ZNF688: variants seen among roughly 807,000 people sequenced by gnomAD.
The protein encoded by ZNF688 is zinc finger protein 688.
Under a neutral mutation model 13.2 loss-of-function variants are expected in ZNF688, and 10 were observed. The observed-to-expected ratio is 0.76, with a 90% CI of 0.47 to 1.28. The LOEUF (loss-of-function observed/expected upper bound fraction) is 1.28, where lower values mean the gene tolerates loss of function less well. Among genes scored for constraint, ZNF688 ranks in the 50% most tolerant of loss-of-function variants. ZNF688 has a pLI of 0.00. For missense variants in ZNF688, 381 were observed against 391.4 expected, an observed-to-expected ratio of 0.97 and a Z score of 0.22; for synonymous variants, 160 against 159.4, an observed-to-expected ratio of 1.00 and a Z score of -0.03.
At chr16:30,574,374 C>T (rs1215039908), upstream of ZNF688, among the ~76,000 whole-genome samples, 1 of 151,830 alleles carries the variant, frequency 6.6e-6, no homozygotes, top group Admixed American at 6.6e-5. Context: ...GGCAAAACCC[C>T]GTCTGTACTA....
At chr16:30,572,787 G>T (rs2051707019), upstream of ZNF688, 1 of 152,712 alleles carries the variant, frequency 6.5e-6, no homozygotes, top group Admixed American at 6.5e-5. Context: ...GCCCAGGCTG[G>T]TCTGGAACTC....
chr16:30,574,710 G>A (rs929599284), upstream of ZNF688, among the ~76,000 whole-genome samples: 5 of 152,094 alleles, frequency 3.3e-5, no homozygotes, highest in African/African-American at 4.8e-5. Context: ...ATTTCTATGT[G>A]TTGGGAAAAT....
At chr16:30,571,325 T>C in intron 1 of ZNF688, 109 bp downstream of exon 1, 1 of 1,535,768 alleles carries the variant, frequency 6.5e-7, no homozygotes, top group Admixed American at 2.0e-5. Flanking sequence ...TGGCTGCTGG[T>C]GTTGGTGCAA....
At position 30,570,677 on chromosome 16, in the gene ZNF688, T is replaced by G. The variant is rs943976165; in HGVS notation, c.311-241A>C. ...TCACAGCGTTACTGGTTTAGCTGAG[T>G]AGATGCATGTTAAGCACTTAGGAAG... On this transcript the variant is annotated intron_variant, in intron 2 of 2. Coordinates refer to ENST00000223459, the MANE Select transcript of ZNF688 (RefSeq NM_145271.4). The G allele has an allele frequency of 6.5e-6, 3 of 464,614 alleles. No individual in the cohort carries two copies. The Admixed American group carries it at 1.1e-4, about 18-fold the overall frequency. The allele number at this position is 464,614 out of a possible 1,614,324, so 28.8% of individuals were successfully genotyped here. A position where few individuals can be genotyped will look rare whatever the true frequency, so the allele number is the denominator to read the frequency against.
At chr16:30,570,782 T>C in intron 2 of ZNF688, 1 of 420,714 alleles carries the variant, frequency 2.4e-6, no homozygotes, top group Middle Eastern at 5.6e-4. Flanking sequence ...AGACGGAGTC[T>C]CACTCTGTCA....
chr16:30,570,303 C>G lies in ZNF688; in HGVS notation c.444G>C (p.Pro148=), dbSNP rs781641191. 1 of 1,614,054 alleles carries G rather than the reference C, an allele frequency of 6.2e-7. No individual in the cohort carries two copies. The highest frequency in any genetic ancestry group is 1.1e-5 in the South Asian group (1 of 91,072). Residue 148 remains proline (P), a synonymous_variant, in exon 3 of 3, where the codon CCG becomes CCC. Coordinates refer to ENST00000223459, the MANE Select transcript of ZNF688 (RefSeq NM_145271.4). The stretch of plus-strand genomic sequence containing the variant: ...CATTTTTGGGTGGCTGTGCCCGTGC[C>G]GGGGCCACGCTAATAGCTGGGTCAG... ...RNPDPAISVA[P]ARAQPPKNAA...
the ZNF688 span, among the ~76,000 whole-genome samples, chr16:30,577,781 C>A: frequency 1.3e-5 from 2 of 151,650 alleles, no homozygotes; most frequent in East Asian, 3.9e-4. Context: ...CTCCCGAGTT[C>A]AAGCAATTCT....
At chr16:30,576,127 A>G (rs1019130183), upstream of ZNF688, among the ~76,000 whole-genome samples, 12 of 151,926 alleles carry the variant, frequency 7.9e-5, no homozygotes, top group African/African-American at 2.4e-5. Context: ...AGCTCACTGC[A>G]ACCTCCCCCT....
In ZNF688 at chr16:30,571,152, G is replaced by C. The variant is rs778530899; in HGVS notation, c.197-29C>G. On this transcript the variant is annotated intron_variant, in intron 1 of 2. Transcript: ENST00000223459. ...GGAGAGAACAGGGATCACAGCGCGG[G>C]CCTGAGAGGCCATCGTGGGAAGATG... The C allele has an allele frequency of 2.6e-6, 4 of 1,555,472 alleles. No homozygotes were observed. The East Asian group carries it at 9.1e-5, about 35-fold the overall frequency.
upstream of ZNF688, among the ~76,000 whole-genome samples, chr16:30,576,989 C>T (rs1026934787): frequency 1.1e-4 from 17 of 151,898 alleles, no homozygotes; most frequent in African/African-American, 3.9e-4. Flanking sequence ...TGGTCTGGAA[C>T]TCCTGGGCTC....
Position 30,569,986 on chromosome 16 carries a change from G to C in ZNF688, c.761C>G (p.Pro254Arg), listed in dbSNP as rs760079476. The C allele has an allele frequency of 6.2e-7, 1 of 1,605,596 alleles. No individual in the cohort carries two copies. The highest frequency in any genetic ancestry group is 8.5e-7 in the Non-Finnish European group (1 of 1,176,380). The change falls in exon 3 of 3, where the codon CCC (proline) becomes CGC (arginine). Residue 254 changes from proline to arginine, a missense_variant. Physicochemically the swap from Pro to Arg is moderately radical, Grantham distance 103. Coordinates refer to ENST00000223459, the MANE Select transcript of ZNF688 (RefSeq NM_145271.4). ...AGGCGGGTCCCGGTCACCTCGGACG[G>C]GGGCCCGAGGCACAGCCCGGATCCC... Reference protein sequence around the residue: ...RPGIRAVPRAPVRGDRDPPVL... With the variant: ...RPGIRAVPRARVRGDRDPPVL...
rs2051687860 is a variant in ZNF688, at chr16:30,571,650, G to A, written c.-21C>T. 7.2e-6 allele frequency: 10 copies of A among 1,381,164 alleles called. No individual in the cohort carries two copies. The East Asian group carries it at 2.7e-4, about 37-fold the overall frequency. The allele number at this position is 1,381,164 out of a possible 1,614,324, so 85.6% of individuals were successfully genotyped here. A position where few individuals can be genotyped will look rare whatever the true frequency, so the allele number is the denominator to read the frequency against. ...GCCATGGGGCCTCGCAGCCCCGATC[G>A]GCGGCCGCCAGGTCCCTGGAGCCGC... On this transcript the variant is annotated 5_prime_UTR_variant, in exon 1 of 3. Coordinates refer to ENST00000223459, the MANE Select transcript of ZNF688 (RefSeq NM_145271.4).
At chr16:30,577,227 T>G (rs578023576), upstream of ZNF688, among the ~76,000 whole-genome samples, 2 of 152,266 alleles carry the variant, frequency 1.3e-5, no homozygotes, top group East Asian at 1.9e-4. Context: ...GCTATTTGGA[T>G]TCTCCTTTTA....
intron 1 of ZNF688, 112 bp from the exon 2 acceptor site, chr16:30,571,235 C>A (rs1010981796): frequency 6.5e-7 from 1 of 1,536,478 alleles, no homozygotes; most frequent in Non-Finnish European, 8.7e-7. Context: ...CTGGAAGGGG[C>A]TGCAGTGCTG....
At chr16:30,574,218 C>A (rs1026632041), upstream of ZNF688, among the ~76,000 whole-genome samples, 11 of 151,000 alleles carry the variant, frequency 7.3e-5, no homozygotes, top group African/African-American at 1.2e-4. Context: ...TGCACTTCAA[C>A]CTGCGTGACA....
upstream of ZNF688, among the ~76,000 whole-genome samples, chr16:30,576,143 G>A (rs1323233957): frequency 2.6e-5 from 4 of 152,058 alleles, no homozygotes. Context: ...CCCCTCCTGG[G>A]TTCAACCGAT....
chr16:30,577,500 C>G (rs1350290854), upstream of ZNF688, among the ~76,000 whole-genome samples: 1 of 151,692 alleles, frequency 6.6e-6, no homozygotes, highest in Non-Finnish European at 1.5e-5. Context: ...TTGCCTCAGC[C>G]TCCTGAGTAG....
chr16:30,570,923 G>A (rs757697360), intron 2 of ZNF688, 87 bp downstream of exon 2: 15 of 1,355,748 alleles, frequency 1.1e-5, no homozygotes, highest in Non-Finnish European at 1.6e-5. Flanking sequence ...TTTCTTTAGG[G>A]ATGCTGGAAG....
At position 30,569,814 on chromosome 16, in the gene ZNF688, G is replaced by A. The variant is rs2051641801; in HGVS notation, c.*102C>T. On this transcript the variant is annotated 3_prime_UTR_variant, in exon 3 of 3. Coordinates refer to ENST00000223459, the MANE Select transcript of ZNF688 (RefSeq NM_145271.4). ...TGAGGGATCCTTGAGGAAAGCCCAGGGCATGAATTTCAGTTCCGGAGTCCC... is the reference window on the plus strand; with the variant it reads ...TGAGGGATCCTTGAGGAAAGCCCAGAGCATGAATTTCAGTTCCGGAGTCCC... The A allele has an allele frequency of 2.2e-6, 3 of 1,393,596 alleles. No individual in the cohort carries two copies. The highest frequency in any genetic ancestry group is 2.7e-4 in the Middle Eastern group (1 of 3,678). The allele number at this position is 1,393,596 out of a possible 1,614,324, so 86.3% of individuals were successfully genotyped here.
Sources: allele counts gnomAD v4.1 joint callset (sites outside exome capture counted in the v4.1 genomes callset), GRCh38; gene constraint gnomAD v4.1.1; transcripts MANE v1.5; gene names NCBI Gene and HGNC (gene_info 2026-07-23, HGNC 2026-07-21).